The following KLHDC1 variants were observed in gnomAD, a reference collection of about 807,000 sequenced individuals.
KLHDC1 encodes kelch domain-containing protein 1.
Under a neutral mutation model 68.3 loss-of-function variants are expected in KLHDC1, and 53 were observed. That is an observed-to-expected ratio of 0.78 (90% CI 0.62 to 0.98). KLHDC1 has a LOEUF of 0.98. KLHDC1 is among the 50% of genes least tolerant of loss of function. The pLI, the probability that KLHDC1 is intolerant of heterozygous loss-of-function variation, is 0.00. For synonymous variants in KLHDC1, 148 were observed against 159.0 expected, an observed-to-expected ratio of 0.93 and a Z score of 0.52; for missense variants, 470 against 492.3, an observed-to-expected ratio of 0.95 and a Z score of 0.43.
At chr14:49,735,646 A>G (rs935158404) in intron 10 of KLHDC1, among the ~76,000 whole-genome samples, 3 of 151,968 alleles carry the variant, frequency 2.0e-5, no homozygotes, top group South Asian at 4.1e-4. Context: ...GTACTGAGAC[A>G]TGGGAGCCAA....
intron 12 of KLHDC1, among the ~76,000 whole-genome samples, chr14:49,745,261 T>G (rs972797403): frequency 6.6e-6 from 1 of 152,202 alleles, no homozygotes. Context: ...CTACCCCTTC[T>G]CTTAGCACAG....
intron 1 of KLHDC1, among the ~76,000 whole-genome samples, chr14:49,705,319 C>G (rs1888018335): frequency 6.9e-6 from 1 of 145,916 alleles, no homozygotes; most frequent in Admixed American, 7.0e-5. Context: ...ATTGAAAGGA[C>G]TTAAACAGAG....
At chr14:49,748,704 A>G (rs1286452468) in intron 12 of KLHDC1, among the ~76,000 whole-genome samples, 1 of 152,018 alleles carries the variant, frequency 6.6e-6, no homozygotes, top group African/African-American at 2.4e-5. Flanking sequence ...AAAATCACCT[A>G]TGAGCCATCG....
intron 4 of KLHDC1, among the ~76,000 whole-genome samples, chr14:49,713,335 C>G (rs1833179752): frequency 6.6e-6 from 1 of 152,094 alleles, no homozygotes; most frequent in African/African-American, 2.4e-5. Context: ...TGATTGCTGC[C>G]TAGATCCATT....
chr14:49,694,651 C>T (rs576091514), intron 1 of KLHDC1, among the ~76,000 whole-genome samples: 14 of 152,086 alleles, frequency 9.2e-5, no homozygotes, highest in African/African-American at 3.4e-4. Context: ...GTCAGGAGTC[C>T]GAGACCAGCC....
chr14:49,694,808 T>A (rs1458128369), intron 1 of KLHDC1, among the ~76,000 whole-genome samples: 1 of 152,110 alleles, frequency 6.6e-6, no homozygotes, highest in Non-Finnish European at 1.5e-5. Context: ...AAGCCAAGAT[T>A]GCGCCATTGC....
intron 11 of KLHDC1, among the ~76,000 whole-genome samples, chr14:49,742,145 C>G (rs1176794390): frequency 6.6e-6 from 1 of 152,154 alleles, no homozygotes; most frequent in African/African-American, 2.4e-5. Flanking sequence ...ATTAAAAAAG[C>G]AAATTTTGTG....
intron 1 of KLHDC1, among the ~76,000 whole-genome samples, chr14:49,705,460 C>T (rs2139734157): frequency 7.1e-6 from 1 of 139,952 alleles, no homozygotes; most frequent in Non-Finnish European, 1.5e-5. Context: ...CCTCCGCCTC[C>T]CAGGTTCAAG....
intron 1 of KLHDC1, chr14:49,708,509 CTTAT>C (rs1191425845): frequency 6.6e-6 from 1 of 152,080 alleles, no homozygotes; most frequent in Non-Finnish European, 1.5e-5. Flanking sequence ...TTATACAAGT[CTTAT>C]TTATCTTTTC....
chr14:49,729,450 G>A (rs768496923), intron 7 of KLHDC1, 40 bp from the exon 8 acceptor site: 5 of 1,374,738 alleles, frequency 3.6e-6, no homozygotes, highest in Non-Finnish European at 4.2e-6. Context: ...GCTGATAAAA[G>A]ATGTGAAATA....
chr14:49,742,144 G>A (rs541810623), intron 11 of KLHDC1, among the ~76,000 whole-genome samples: 1 of 152,138 alleles, frequency 6.6e-6, no homozygotes, highest in South Asian at 2.1e-4. Context: ...TATTAAAAAA[G>A]CAAATTTTGT....
intron 1 of KLHDC1, among the ~76,000 whole-genome samples, chr14:49,694,779 G>A (rs1421258560): frequency 2.6e-5 from 4 of 152,114 alleles, no homozygotes; most frequent in African/African-American, 9.7e-5. Flanking sequence ...ACTTGGACCC[G>A]GGAGGCGGAG....
chr14:49,750,792 C>G (rs1889304850), intron 12 of KLHDC1, among the ~76,000 whole-genome samples: 1 of 152,118 alleles, frequency 6.6e-6, no homozygotes, highest in African/African-American at 2.4e-5. Flanking sequence ...ATACTGCCCT[C>G]TAGTCTAATG....
rs869250721 is a variant in KLHDC1, at chr14:49,713,850, ATT to A, written c.404+3485_404+3486del. 1.9e-3 allele frequency among the ~76,000 whole-genome samples: 93 copies of A among 50,214 alleles called. 1 individual carries two copies. Among genetic ancestry groups the A allele is most frequent in the African/African-American group, 7.6e-3 (87 of 11,462 alleles). The allele number at this position is 50,214 out of a possible 152,430, so 32.9% of individuals were successfully genotyped here. ...TATATATATATATATATATATATAT[ATT>A]TTTTTTTTTTTTTTTCCTGAGACAG... is the stretch of plus-strand genomic sequence containing the variant. On this transcript the variant is annotated intron_variant, in intron 4 of 12. Coordinates refer to ENST00000359332, the MANE Select transcript of KLHDC1 (RefSeq NM_172193.3).
intron 10 of KLHDC1, among the ~76,000 whole-genome samples, chr14:49,735,608 ATT>A (rs774841089): frequency 6.7e-6 from 1 of 148,254 alleles, no homozygotes; most frequent in Non-Finnish European, 1.5e-5. Flanking sequence ...CTCTTTTGAA[ATT>A]TTTTTTTTTT....
In KLHDC1 at chr14:49,719,812, T is replaced by G. The variant is rs192829067; in HGVS notation, c.405-4062T>G. On this transcript the variant is annotated intron_variant, in intron 4 of 12. Transcript: ENST00000359332. ...CTTCCTTTCTTTTTATTTCTTTCCT[T>G]TATTTATTATTATTATTATTTTGTT... 8.0e-4 allele frequency among the ~76,000 whole-genome samples: 121 copies of G among 151,674 alleles called. 2 individuals are homozygous for G. The East Asian group carries it at 0.015, about 19-fold the overall frequency.
chr14:49,732,792 C>A lies in KLHDC1; in HGVS notation c.799C>A (p.Leu267Ile). 6.4e-7 allele frequency: 1 copy of A among 1,565,546 alleles called. No homozygotes were observed. Among genetic ancestry groups the A allele is most frequent in the Non-Finnish European group, 8.8e-7 (1 of 1,136,188 alleles). The change falls in exon 9 of 13, where the codon CTA becomes ATA. Residue 267 changes from leucine (L) to isoleucine (I), a missense_variant. Leu to Ile is a conservative substitution (Grantham distance 5). Transcript: ENST00000359332. ...TGATAAACTTTTCCTATGTGGTGGACTAAGTGCAGATAATATCCCATTAAG... is the reference window on the plus strand; with the variant it reads ...TGATAAACTTTTCCTATGTGGTGGAATAAGTGCAGATAATATCCCATTAAG... ...ADDKLFLCGG[L>I]SADNIPLSDG...
chr14:49,693,341 C>G, intron 1 of KLHDC1, 51 bp downstream of exon 1: 2 of 1,268,938 alleles, frequency 1.6e-6, no homozygotes, highest in Non-Finnish European at 2.1e-6. Flanking sequence ...GACCCTCGGC[C>G]TGAGCGGACG....
intron 12 of KLHDC1, among the ~76,000 whole-genome samples, chr14:49,748,832 A>T (rs1346582047): frequency 6.6e-6 from 1 of 150,652 alleles, no homozygotes; most frequent in African/African-American, 2.4e-5. Context: ...ACAGAGTCTC[A>T]CTCTGTCACC....
Sources: gnomAD v4.1 joint callset for allele counts (sites outside exome capture counted in the v4.1 genomes callset) on GRCh38, gnomAD v4.1.1 for gene constraint, MANE v1.5 for transcripts, NCBI Gene and HGNC (gene_info 2026-07-23, HGNC 2026-07-21) for gene names.